TRPM6: variants seen among roughly 807,000 people sequenced by gnomAD.
TRPM6 encodes transient receptor potential cation channel subfamily M member 6.
In TRPM6, 111 loss-of-function variants were observed where a neutral mutation model predicts 247.6. The observed-to-expected ratio is 0.45, with a 90% CI of 0.38 to 0.52. The LOEUF (loss-of-function observed/expected upper bound fraction) is 0.52, where lower values mean the gene tolerates loss of function less well. Among genes scored for constraint, TRPM6 ranks in the 20% least tolerant of loss-of-function variants. The probability of loss-of-function intolerance (pLI) is 0.00; values close to 1 mark genes in which losing one functional copy is unlikely to be tolerated. For synonymous variants in TRPM6, 892 were observed against 853.8 expected, an observed-to-expected ratio of 1.04 and a Z score of -0.78; for missense variants, 2,126 against 2,421.5, an observed-to-expected ratio of 0.88 and a Z score of 2.56.
At chr9:74,885,137 A>G (rs1831492977) in intron 1 of TRPM6, among the ~76,000 whole-genome samples, 1 of 152,188 alleles carries the variant, frequency 6.6e-6, no homozygotes, top group Admixed American at 6.5e-5. Flanking sequence ...CAGAGAGACA[A>G]CTCTGGAAAA....
At chr9:74,871,879 G>A (rs1434347539) in intron 1 of TRPM6, among the ~76,000 whole-genome samples, 1 of 149,650 alleles carries the variant, frequency 6.7e-6, no homozygotes, top group African/African-American at 2.5e-5. Flanking sequence ...TTGAGACAGA[G>A]TTTTGCTCTT....
chr9:74,848,135 T>C (rs1362646052), intron 3 of TRPM6, among the ~76,000 whole-genome samples: 5 of 152,228 alleles, frequency 3.3e-5, no homozygotes, highest in Non-Finnish European at 7.3e-5. Flanking sequence ...GGATAGAAGA[T>C]GGATTTGTAC....
chr9:74,789,453 T>C (rs1827816358), intron 19 of TRPM6, among the ~76,000 whole-genome samples: 2 of 152,242 alleles, frequency 1.3e-5, no homozygotes, highest in South Asian at 2.1e-4. Context: ...TTAATAGCTT[T>C]GTAATCTTAC....
At chr9:74,815,793 C>T (rs898505098) in intron 11 of TRPM6, among the ~76,000 whole-genome samples, 3 of 152,128 alleles carry the variant, frequency 2.0e-5, no homozygotes, top group African/African-American at 4.8e-5. Flanking sequence ...AGAGAACTAC[C>T]ATCTTTTAAA....
At chr9:74,842,140 C>G in intron 4 of TRPM6, 26 bp downstream of exon 4, 3 of 1,611,214 alleles carry the variant, frequency 1.9e-6, no homozygotes, top group Non-Finnish European at 2.5e-6. Context: ...AAGAAACCAG[C>G]AAAACAATTT....
At chr9:74,882,046 C>G (rs554706131) in intron 1 of TRPM6, among the ~76,000 whole-genome samples, 1 of 152,166 alleles carries the variant, frequency 6.6e-6, no homozygotes, top group Non-Finnish European at 1.5e-5. Flanking sequence ...ATACAAAAAT[C>G]AACTCAAGAT....
chr9:74,785,402 C>A (rs1389680832), intron 21 of TRPM6, among the ~76,000 whole-genome samples: 1 of 152,164 alleles, frequency 6.6e-6, no homozygotes, highest in South Asian at 2.1e-4. Context: ...AGGATTAATG[C>A]TCGAGGTGAT....
At chr9:74,846,343 A>G (rs888871601) in intron 3 of TRPM6, among the ~76,000 whole-genome samples, 7 of 152,106 alleles carry the variant, frequency 4.6e-5, no homozygotes, top group African/African-American at 1.4e-4. Flanking sequence ...AGGGAAATTC[A>G]TATTTCTACA....
intron 25 of TRPM6, 149 bp from the exon 26 acceptor site, chr9:74,763,283 T>C: frequency 1.3e-6 from 1 of 766,336 alleles, no homozygotes; most frequent in Non-Finnish European, 2.2e-6. Flanking sequence ...CTTCGCCCAA[T>C]ACATAACTCT....
At chr9:74,872,829 T>C (rs1411596610) in intron 1 of TRPM6, among the ~76,000 whole-genome samples, 1 of 152,188 alleles carries the variant, frequency 6.6e-6, no homozygotes, top group Non-Finnish European at 1.5e-5. Context: ...ATATTGCCAC[T>C]GCCCTAGTTA....
intron 25 of TRPM6, among the ~76,000 whole-genome samples, chr9:74,765,987 AT>A (rs1826813016): frequency 6.6e-6 from 1 of 152,230 alleles, no homozygotes; most frequent in African/African-American, 2.4e-5. Context: ...GGCAAGGATG[AT>A]GTGGGAAACA....
intron 1 of TRPM6, among the ~76,000 whole-genome samples, chr9:74,863,294 G>A (rs1318846463): frequency 1.3e-5 from 2 of 151,770 alleles, no homozygotes; most frequent in Admixed American, 1.3e-4. Context: ...TGATCCACCC[G>A]CCTCGGCCTC....
Position 74,816,754 on chromosome 9 carries a change from G to T in TRPM6, c.1223C>A (p.Ala408Glu). Residue 408 changes from alanine to glutamate, a missense_variant, in exon 11 of 39, where the codon GCG becomes GAG. Ala to Glu is a moderately radical substitution (Grantham distance 107, BLOSUM62 -1). Transcript: ENST00000360774. ...TALLKGTNLS[A>E]SEQLNLAMAW... ...CATTGCCAGATTTAATTGCTCTGAC[G>T]CTGATAAATTTGTGCCTAGGGTAAA... The T allele has an allele frequency of 1.2e-6, 2 of 1,614,088 alleles. No individual in the cohort carries two copies. Among genetic ancestry groups the T allele is most frequent in the Non-Finnish European group, 1.7e-6 (2 of 1,179,990 alleles).
chr9:74,887,215 C>T (rs1831561033), intron 1 of TRPM6: 1 of 1,258,528 alleles, frequency 7.9e-7, no homozygotes, highest in Non-Finnish European at 1.0e-6. Flanking sequence ...CGGACTGCGG[C>T]GGGGCGGGTG....
intron 1 of TRPM6, among the ~76,000 whole-genome samples, chr9:74,859,629 C>T (rs1830636071): frequency 6.6e-6 from 1 of 152,086 alleles, no homozygotes; most frequent in South Asian, 2.1e-4. Flanking sequence ...AAAAAATTAG[C>T]TGGGCATGGT....
At chr9:74,739,659 G>A in intron 34 of TRPM6, 64 bp downstream of exon 34, 1 of 1,593,294 alleles carries the variant, frequency 6.3e-7, no homozygotes, top group Non-Finnish European at 8.6e-7. Context: ...AGATAAGGAT[G>A]TAGCCAGATC....
intron 3 of TRPM6, among the ~76,000 whole-genome samples, chr9:74,845,611 G>C (rs973863395): frequency 2.6e-5 from 4 of 152,096 alleles, no homozygotes; most frequent in Non-Finnish European, 1.5e-5. Flanking sequence ...TGGGAGAATC[G>C]CTTGAGGCCA....
chr9:74,751,389 G>A (rs1029387758), intron 29 of TRPM6, among the ~76,000 whole-genome samples: 4 of 152,110 alleles, frequency 2.6e-5, no homozygotes, highest in South Asian at 2.1e-4. Context: ...GCTTTGAAAC[G>A]TAGAAAGTGG....
intron 5 of TRPM6, among the ~76,000 whole-genome samples, chr9:74,838,350 T>G (rs1391344833): frequency 1.3e-5 from 2 of 152,242 alleles, no homozygotes; most frequent in African/African-American, 2.4e-5. Context: ...CAACTTCAGT[T>G]TCTTCCAAGA....
Sources: gnomAD v4.1 joint callset for allele counts (sites outside exome capture counted in the v4.1 genomes callset) on GRCh38, gnomAD v4.1.1 for gene constraint, MANE v1.5 for transcripts, NCBI Gene and HGNC (gene_info 2026-07-23, HGNC 2026-07-21) for gene names.